Variants in GNAQ observed in about 807,000 individuals in gnomAD.
The protein encoded by GNAQ is G protein subunit alpha q.
GNAQ carries 8 observed loss-of-function variants against 43.9 expected under a neutral mutation model. That is an observed-to-expected ratio of 0.18 (90% confidence interval 0.11 to 0.33). The LOEUF (loss-of-function observed/expected upper bound fraction) is 0.33. GNAQ is among the 10% of genes least tolerant of loss of function. The pLI is 1.00. For missense variants in GNAQ, 158 were observed against 450.8 expected (o/e 0.35, Z 5.88); for synonymous variants, 155 against 170.7 (o/e 0.91, Z 0.71).
At chr9:77,819,834 G>C (rs1001710198) in intron 2 of GNAQ, among the ~76,000 whole-genome samples, 1 of 149,858 alleles carries the variant, frequency 6.7e-6, no homozygotes, top group Admixed American at 6.6e-5. Context: ...CTGCTCAAAG[G>C]AAGTACAGAG....
intron 1 of GNAQ, among the ~76,000 whole-genome samples, chr9:77,946,366 A>G (rs984825107): frequency 3.9e-5 from 6 of 152,242 alleles, no homozygotes; most frequent in African/African-American, 1.2e-4. Flanking sequence ...CACTATGTCA[A>G]TAAAGGATTG....
intron 2 of GNAQ, among the ~76,000 whole-genome samples, chr9:77,822,124 C>CTA (rs1220620716): frequency 6.6e-5 from 10 of 152,156 alleles, no homozygotes; most frequent in Admixed American, 6.5e-4. Flanking sequence ...TAGAAAGGTG[C>CTA]TATAAATCCA....
At chr9:77,920,686 C>T (rs1828983742) in intron 2 of GNAQ, among the ~76,000 whole-genome samples, 1 of 152,110 alleles carries the variant, frequency 6.6e-6, no homozygotes, top group African/African-American at 2.4e-5. Context: ...CACAAACTTG[C>T]ACAGTTCTTT....
At chr9:77,811,217 T>C (rs1826916578) in intron 3 of GNAQ, among the ~76,000 whole-genome samples, 1 of 151,652 alleles carries the variant, frequency 6.6e-6, no homozygotes, top group African/African-American at 2.4e-5. Context: ...TTCTGTAAGA[T>C]GAATATTTCT....
At chr9:77,896,923 A>G (rs1215483943) in intron 2 of GNAQ, among the ~76,000 whole-genome samples, 1 of 152,264 alleles carries the variant, frequency 6.6e-6, no homozygotes, top group Non-Finnish European at 1.5e-5. Flanking sequence ...AAATGACAAC[A>G]TATGACACAT....
chr9:77,794,708 T>C (rs1423831653), intron 4 of GNAQ, 116 bp from the exon 5 acceptor site: 3 of 550,514 alleles, frequency 5.4e-6, no homozygotes, highest in Non-Finnish European at 9.5e-6. Context: ...ACGATGATCA[T>C]CCAAGTCAAT....
chr9:77,925,105 C>T (rs925865257), intron 1 of GNAQ, among the ~76,000 whole-genome samples: 6 of 152,128 alleles, frequency 3.9e-5, no homozygotes, highest in African/African-American at 1.4e-4. Context: ...GCTCCCTTGC[C>T]TTGTCCAGCT....
intron 1 of GNAQ, among the ~76,000 whole-genome samples, chr9:78,023,248 T>C (rs192658641): frequency 1.3e-5 from 2 of 152,328 alleles, no homozygotes; most frequent in East Asian, 1.9e-4. Flanking sequence ...AAGTTAATCA[T>C]TGCCTAAACA....
At chr9:77,838,818 T>C (rs1443750454) in intron 2 of GNAQ, among the ~76,000 whole-genome samples, 7 of 152,130 alleles carry the variant, frequency 4.6e-5, no homozygotes, top group African/African-American at 7.2e-5. Flanking sequence ...AATGTATACA[T>C]TAAAAAGAGA....
intron 1 of GNAQ, among the ~76,000 whole-genome samples, chr9:77,968,792 G>C (rs1823200528): frequency 6.6e-6 from 1 of 152,196 alleles, no homozygotes; most frequent in Non-Finnish European, 1.5e-5. Context: ...CTCTTAAAGA[G>C]GAACTCAGAG....
At chr9:77,998,720 TGTTA>T (rs1823607234) in intron 1 of GNAQ, among the ~76,000 whole-genome samples, 1 of 152,214 alleles carries the variant, frequency 6.6e-6, no homozygotes, top group South Asian at 2.1e-4. Flanking sequence ...TGAATAAAAC[TGTTA>T]GTATTTTTTA....
intron 5 of GNAQ, among the ~76,000 whole-genome samples, chr9:77,759,036 T>C (rs1825948568): frequency 6.6e-6 from 1 of 152,178 alleles, no homozygotes; most frequent in Non-Finnish European, 1.5e-5. Flanking sequence ...CAATAGAGTA[T>C]TCTTAGGATA....
chr9:78,023,078 T>A (rs1314444708), intron 1 of GNAQ, among the ~76,000 whole-genome samples: 1 of 152,230 alleles, frequency 6.6e-6, no homozygotes, highest in Non-Finnish European at 1.5e-5. Flanking sequence ...TGAAACCCAC[T>A]GGTCCGTGAT....
intron 1 of GNAQ, among the ~76,000 whole-genome samples, chr9:78,030,847 G>A (rs2118630687): frequency 6.6e-6 from 1 of 152,204 alleles, no homozygotes; most frequent in East Asian, 1.9e-4. Context: ...CAAGGCACCG[G>A]GCAGGGCAGC....
chr9:78,017,038 A>T (rs1027918080), intron 1 of GNAQ, among the ~76,000 whole-genome samples: 1 of 152,358 alleles, frequency 6.6e-6, no homozygotes, highest in Admixed American at 6.5e-5. Context: ...AGAATCATAC[A>T]GCGTGCAAAA....
At chr9:77,823,130 G>T (rs1449414024) in intron 2 of GNAQ, among the ~76,000 whole-genome samples, 2 of 151,800 alleles carry the variant, frequency 1.3e-5, no homozygotes, top group African/African-American at 4.8e-5. Context: ...TAGTAGAGAT[G>T]GGGTTTCACC....
At chr9:77,946,924 C>A (rs575447157) in intron 1 of GNAQ, among the ~76,000 whole-genome samples, 4 of 152,228 alleles carry the variant, frequency 2.6e-5, no homozygotes, top group African/African-American at 9.6e-5. Context: ...ACAGGTAGAG[C>A]CTGACTGCCA....
At chr9:77,916,764 A>C (rs1828913417) in intron 2 of GNAQ, among the ~76,000 whole-genome samples, 3 of 146,306 alleles carry the variant, frequency 2.1e-5, no homozygotes, top group Non-Finnish European at 3.0e-5. Flanking sequence ...ACTGGTTTAC[A>C]AAAAAAAAAA....
chr9:77,812,976 G>A (rs576066543), intron 3 of GNAQ, among the ~76,000 whole-genome samples: 3 of 151,640 alleles, frequency 2.0e-5, no homozygotes, highest in Non-Finnish European at 4.4e-5. Flanking sequence ...GATTGATCTC[G>A]ATCTTGGCTC....
Sources: allele counts gnomAD v4.1 joint callset (sites outside exome capture counted in the v4.1 genomes callset), GRCh38; gene constraint gnomAD v4.1.1; transcripts MANE v1.5; gene names NCBI Gene and HGNC (gene_info 2026-07-23, HGNC 2026-07-21).